CTNND2: variants seen among roughly 807,000 people sequenced by gnomAD.
The protein encoded by CTNND2 is catenin delta-2.
A neutral mutation model predicts 144.4 loss-of-function variants in CTNND2; 22 were observed. The ratio of observed to expected loss-of-function variants is 0.15; its 90% CI spans 0.11 to 0.22. The LOEUF (loss-of-function observed/expected upper bound fraction) is 0.22, where lower values mean the gene tolerates loss of function less well. Among genes scored for constraint, CTNND2 ranks in the 10% least tolerant of loss-of-function variants. CTNND2 has a pLI of 1.00. For missense variants in CTNND2, 1,353 were observed against 1,618.8 expected (o/e 0.84, Z 2.82); for synonymous variants, 751 against 695.6 (o/e 1.08, Z -1.25).
At chr5:11,270,471 T>TAAAA (rs34326518) in intron 9 of CTNND2, among the ~76,000 whole-genome samples, 1 of 144,456 alleles carries the variant, frequency 6.9e-6, no homozygotes, top group Admixed American at 6.9e-5. Flanking sequence ...AACAATGTGG[T>TAAAA]AAAAAAAAAA....
At chr5:11,349,394 A>G (rs2149744754) in intron 8 of CTNND2, among the ~76,000 whole-genome samples, 1 of 152,246 alleles carries the variant, frequency 6.6e-6, no homozygotes, top group African/African-American at 2.4e-5. Context: ...GAGAGTATAC[A>G]CATCATTTTC....
intron 3 of CTNND2, among the ~76,000 whole-genome samples, chr5:11,506,515 A>G (rs1561489105): frequency 6.6e-6 from 1 of 152,178 alleles, no homozygotes; most frequent in Admixed American, 6.5e-5. Context: ...CAATTATACT[A>G]CATTTGGAAT....
chr5:11,014,602 T>C (rs1052401486), intron 18 of CTNND2, among the ~76,000 whole-genome samples: 1 of 152,200 alleles, frequency 6.6e-6, no homozygotes, highest in African/African-American at 2.4e-5. Flanking sequence ...GTTCCGATGA[T>C]ACAAATATGC....
chr5:11,685,998 G>A (rs1784630500), intron 2 of CTNND2, among the ~76,000 whole-genome samples: 1 of 152,090 alleles, frequency 6.6e-6, no homozygotes, highest in Non-Finnish European at 1.5e-5. Context: ...TTGAGCTCAG[G>A]AATTCAAGAC....
chr5:11,879,742 T>C (rs1735888810), intron 1 of CTNND2, among the ~76,000 whole-genome samples: 2 of 152,150 alleles, frequency 1.3e-5, no homozygotes, highest in Admixed American at 6.5e-5. Flanking sequence ...ATATATATGC[T>C]ATCCAATTCT....
chr5:11,157,176 G>C (rs1758299583), intron 12 of CTNND2, among the ~76,000 whole-genome samples: 1 of 152,192 alleles, frequency 6.6e-6, no homozygotes, highest in African/African-American at 2.4e-5. Flanking sequence ...CTGGAAGACA[G>C]AGATTTTATG....
chr5:10,991,480 CAAAAT>C (rs1195086963), intron 19 of CTNND2, among the ~76,000 whole-genome samples: 6 of 152,084 alleles, frequency 3.9e-5, no homozygotes, highest in Admixed American at 3.9e-4. Context: ...ATGCAGAAAT[CAAAAT>C]AAAAGTTTTA....
intron 3 of CTNND2, among the ~76,000 whole-genome samples, chr5:11,461,563 G>C (rs901579554): frequency 2.0e-5 from 3 of 152,130 alleles, no homozygotes; most frequent in African/African-American, 7.2e-5. Flanking sequence ...CCCAGCTGAA[G>C]CTTGCTGTGG....
In CTNND2 at chr5:11,659,080, G is replaced by A. The variant is rs779769295; in HGVS notation, c.174+73056C>T. Among the ~76,000 whole-genome samples, 4 of 151,844 alleles carry A rather than the reference G, an allele frequency of 2.6e-5. No individual in the cohort carries two copies. The East Asian group carries it at 7.7e-4, about 29-fold the overall frequency. On this transcript the variant is annotated intron_variant, in intron 2 of 21. Coordinates refer to ENST00000304623, the MANE Select transcript of CTNND2 (RefSeq NM_001332.4). The stretch of plus-strand genomic sequence containing the variant: ...AATGTGGTTCACCCTTTGTATTCAC[G>A]GTTCCTCATCCACAGATTCAACCAA...
At chr5:11,474,986 T>C (rs1767582717) in intron 3 of CTNND2, among the ~76,000 whole-genome samples, 1 of 152,174 alleles carries the variant, frequency 6.6e-6, no homozygotes, top group African/African-American at 2.4e-5. Flanking sequence ...AGCTGAGGTG[T>C]AATCAGCAGA....
At chr5:11,820,303 T>C (rs187546030) in intron 1 of CTNND2, among the ~76,000 whole-genome samples, 25 of 152,318 alleles carry the variant, frequency 1.6e-4, no homozygotes, top group African/African-American at 5.3e-4. Flanking sequence ...GGCTGCCTCT[T>C]TACCTTGGGC....
At chr5:11,469,256 T>C (rs1029383449) in intron 3 of CTNND2, among the ~76,000 whole-genome samples, 3 of 152,250 alleles carry the variant, frequency 2.0e-5, no homozygotes, top group Admixed American at 6.5e-5. Flanking sequence ...TTTCCTTTTT[T>C]CCCCCTGGAA....
intron 9 of CTNND2, among the ~76,000 whole-genome samples, chr5:11,253,651 G>T (rs1046024226): frequency 6.6e-6 from 1 of 152,090 alleles, no homozygotes; most frequent in Non-Finnish European, 1.5e-5. Flanking sequence ...TTTATCAGCA[G>T]TGTGAAAACA....
At chr5:11,230,734 T>C (rs560218051) in intron 10 of CTNND2, among the ~76,000 whole-genome samples, 7 of 152,384 alleles carry the variant, frequency 4.6e-5, no homozygotes, top group African/African-American at 1.4e-4. Context: ...GCTTTTCTTC[T>C]GATCTTATCT....
At chr5:11,662,169 G>A (rs1480021475) in intron 2 of CTNND2, among the ~76,000 whole-genome samples, 1,405 of 133,226 alleles carry the variant, frequency 0.011, 20 homozygotes, top group African/African-American at 0.038. Flanking sequence ...GTATATATGT[G>A]TATATATACA....
intron 2 of CTNND2, among the ~76,000 whole-genome samples, chr5:11,660,332 T>C (rs13168438): frequency 0.11 from 16,679 of 152,108 alleles, 1,143 homozygotes; most frequent in African/African-American, 0.18. Flanking sequence ...TAAAGTACTA[T>C]CAAAAGTGTT....
chr5:11,795,166 A>G (rs940797778), intron 1 of CTNND2, among the ~76,000 whole-genome samples: 2 of 152,252 alleles, frequency 1.3e-5, no homozygotes, highest in South Asian at 2.1e-4. Flanking sequence ...CCTGACTCCA[A>G]TGGAGGGCAA....
At chr5:11,790,142 G>A (rs1166831378) in intron 1 of CTNND2, among the ~76,000 whole-genome samples, 1 of 152,062 alleles carries the variant, frequency 6.6e-6, no homozygotes, top group African/African-American at 2.4e-5. Context: ...TTCATTTACT[G>A]ATTTCCATTT....
At chr5:11,460,508 G>C (rs1010204879) in intron 3 of CTNND2, among the ~76,000 whole-genome samples, 14 of 152,164 alleles carry the variant, frequency 9.2e-5, no homozygotes, top group Admixed American at 2.0e-4. Flanking sequence ...ACCTTCTACT[G>C]TTCTCTACTA....
Sources: allele counts gnomAD v4.1 joint callset (sites outside exome capture counted in the v4.1 genomes callset), GRCh38; gene constraint gnomAD v4.1.1; transcripts MANE v1.5; gene names NCBI Gene and HGNC (gene_info 2026-07-23, HGNC 2026-07-21).